Variants in SLC8A1 observed in about 807,000 individuals in gnomAD.
SLC8A1 encodes sodium/calcium exchanger 1.
In SLC8A1, 18 loss-of-function variants were observed where a neutral mutation model predicts 68.3. The ratio of observed to expected loss-of-function variants is 0.26; its 90% CI spans 0.18 to 0.39. The LOEUF (loss-of-function observed/expected upper bound fraction) is 0.39, where lower values mean the gene tolerates loss of function less well. Ranked by LOEUF, SLC8A1 falls within the 10% of genes least tolerant of loss-of-function variation. SLC8A1 has a pLI of 1.00. For synonymous variants in SLC8A1, 475 were observed against 415.5 expected, an observed-to-expected ratio of 1.14 and a Z score of -1.74; for missense variants, 985 against 1,156.7, an observed-to-expected ratio of 0.85 and a Z score of 2.15.
chr2:40,484,776 G>A (rs915591805), intron 1 of SLC8A1, among the ~76,000 whole-genome samples: 4 of 152,170 alleles, frequency 2.6e-5, no homozygotes, highest in Non-Finnish European at 5.9e-5. Flanking sequence ...GCTTCTTTTG[G>A]ACTAGATGTG....
chr2:40,156,677 A>G (rs1573311445), intron 6 of SLC8A1, among the ~76,000 whole-genome samples: 1 of 54,318 alleles, frequency 1.8e-5, no homozygotes. Flanking sequence ...AATATTAAGG[A>G]AAAAAAAAAA....
chr2:40,179,113 C>T lies in SLC8A1; in HGVS notation c.1809-1258G>A, dbSNP rs184393720. Among the ~76,000 whole-genome samples the T allele has an allele frequency of 1.5e-3, 228 of 152,332 alleles. 1 individual carries two copies. Among genetic ancestry groups the T allele is most frequent in the African/African-American group, 5.4e-3 (224 of 41,562 alleles). On this transcript the variant is annotated intron_variant, in intron 2 of 7. Transcript: ENST00000406785. ...AACTCTTATTCAGGTTAGTCAGATTCTCCAGCTAGACCACAGCAGGAAGTT... is the reference window on the plus strand; with the variant it reads ...AACTCTTATTCAGGTTAGTCAGATTTTCCAGCTAGACCACAGCAGGAAGTT...
rs1240692929 is a variant in SLC8A1 at position 40,175,977 on chromosome 2, C to T, written c.1913-1135G>A. The T allele has an allele frequency of 8.9e-6, 4 of 450,094 alleles. No individual in the cohort carries two copies. In the Middle Eastern group the frequency reaches 9.8e-4, roughly 111 times the overall value. 27.9% of individuals were successfully genotyped at this position (450,094 alleles called of 1,614,324 possible). ...TGACTTCTGTACATTATTAGATAAC[C>T]AGAATCCTTCTAGTGGACATATCAT... On this transcript the variant is annotated intron_variant, in intron 3 of 7. Transcript: ENST00000406785.
exon 8 of SLC8A1, chr2:40,107,639 A>G (rs947298816): frequency 6.6e-6 from 1 of 152,170 alleles, no homozygotes; most frequent in African/African-American, 2.4e-5. Flanking sequence ...ATCTTTAGCT[A>G]AAAAGGGGGG....
chr2:40,240,435 C>T (rs1172532799), intron 2 of SLC8A1, among the ~76,000 whole-genome samples: 1 of 152,148 alleles, frequency 6.6e-6, no homozygotes, highest in Non-Finnish European at 1.5e-5. Context: ...TGCAACACCA[C>T]AGCTGGGAAA....
At chr2:40,200,671 G>T (rs979902400) in intron 2 of SLC8A1, among the ~76,000 whole-genome samples, 4 of 151,612 alleles carry the variant, frequency 2.6e-5, no homozygotes, top group Non-Finnish European at 5.9e-5. Flanking sequence ...ATCTTCAGGG[G>T]ATTCTAATAG....
chr2:40,248,482 T>C (rs1351467527), intron 2 of SLC8A1, among the ~76,000 whole-genome samples: 1 of 152,096 alleles, frequency 6.6e-6, no homozygotes, highest in Non-Finnish European at 1.5e-5. Flanking sequence ...ATCAGGAAAT[T>C]GTACTTCACC....
Position 40,361,929 on chromosome 2 carries a change from C to T in SLC8A1, c.1808+66544G>A, listed in dbSNP as rs1268931689. Among the ~76,000 whole-genome samples the T allele has an allele frequency of 1.3e-4, 9 of 67,398 alleles. No homozygotes were observed. The Admixed American group carries it at 1.5e-3, about 11-fold the overall frequency. 44.2% of individuals were successfully genotyped at this position (67,398 alleles called of 152,430 possible). ...TTTTTTTTTTTTTTGGAGACAGAGTCTTGCTCTGTTTCCCAGGCAGGAGTG... is the reference window on the plus strand; with the variant it reads ...TTTTTTTTTTTTTTGGAGACAGAGTTTTGCTCTGTTTCCCAGGCAGGAGTG... On this transcript the variant is annotated intron_variant, in intron 2 of 7. Transcript: ENST00000406785.
intron 2 of SLC8A1, among the ~76,000 whole-genome samples, chr2:40,264,092 T>A (rs1055389475): frequency 1.3e-5 from 2 of 151,996 alleles, no homozygotes; most frequent in African/African-American, 4.8e-5. Context: ...AGAAGACACA[T>A]GAAAAAATGC....
At chr2:40,105,545 C>G (rs2034142915) in exon 8 of SLC8A1, 1 of 152,166 alleles carries the variant, frequency 6.6e-6, no homozygotes, top group African/African-American at 2.4e-5. Context: ...AGAATATTCT[C>G]TTGGAAGAAA....
exon 2 of SLC8A1, chr2:40,429,252 C>T (rs368593834): frequency 1.8e-4 from 287 of 1,613,754 alleles, no homozygotes; most frequent in South Asian, 9.9e-4. Flanking sequence ...CTATTAATTG[C>T]TCTATTTCTT....
At chr2:40,111,943 C>T (rs1056495244) in exon 8 of SLC8A1, 1 of 152,030 alleles carries the variant, frequency 6.6e-6, no homozygotes, top group Non-Finnish European at 1.5e-5. Flanking sequence ...TAGAGTCATA[C>T]TAAGCAACGT....
intron 2 of SLC8A1, among the ~76,000 whole-genome samples, chr2:40,370,480 CTT>C (rs1044342893): frequency 1.6e-4 from 24 of 152,080 alleles, no homozygotes; most frequent in African/African-American, 5.8e-4. Context: ...TTTAAAGTGA[CTT>C]TGCTTTTTCT....
chr2:40,366,364 A>G (rs773796529), intron 2 of SLC8A1, among the ~76,000 whole-genome samples: 14 of 152,132 alleles, frequency 9.2e-5, no homozygotes, highest in South Asian at 2.1e-4. Flanking sequence ...AGTTTTGCCA[A>G]TGTGTGATCT....
At chr2:40,252,965 G>GTATATACATA (rs1407022512) in intron 2 of SLC8A1, among the ~76,000 whole-genome samples, 196 of 106,462 alleles carry the variant, frequency 1.8e-3, no homozygotes, top group South Asian at 4.4e-3. Context: ...GTGTGTATAT[G>GTATATACATA]TATGTACATA....
intron 1 of SLC8A1, among the ~76,000 whole-genome samples, chr2:40,496,604 C>T (rs1326052931): frequency 1.3e-5 from 2 of 151,712 alleles, no homozygotes; most frequent in Admixed American, 6.6e-5. Flanking sequence ...GAGAAAGATC[C>T]GAATTACTTT....
chr2:40,117,339 G>C (rs2035667399), intron 7 of SLC8A1, among the ~76,000 whole-genome samples: 1 of 141,902 alleles, frequency 7.0e-6, no homozygotes, highest in African/African-American at 2.7e-5. Flanking sequence ...GAGGTTAGGA[G>C]TTCGAGACCA....
At chr2:40,098,381 C>T (rs2033699060) in exon 8 of SLC8A1, 1 of 152,004 alleles carries the variant, frequency 6.6e-6, no homozygotes, top group Non-Finnish European at 1.5e-5. Flanking sequence ...ATGGCTAGTT[C>T]TTGCTAACTG....
intron 2 of SLC8A1, among the ~76,000 whole-genome samples, chr2:40,231,826 T>C (rs1463269400): frequency 1.3e-5 from 2 of 152,142 alleles, no homozygotes; most frequent in African/African-American, 4.8e-5. Flanking sequence ...TTTGGGAACC[T>C]ATTTCCTTAT....
Sources: allele counts gnomAD v4.1 joint callset (sites outside exome capture counted in the v4.1 genomes callset), GRCh38; gene constraint gnomAD v4.1.1; transcripts MANE v1.5; gene names NCBI Gene and HGNC (gene_info 2026-07-23, HGNC 2026-07-21).